The following ZHX2 variants were observed in gnomAD, a reference collection of about 807,000 sequenced individuals.
The protein encoded by ZHX2 is zinc fingers and homeoboxes protein 2.
Under a neutral mutation model 21.9 loss-of-function variants are expected in ZHX2, and 6 were observed. That is an observed-to-expected ratio of 0.27 (90% confidence interval 0.15 to 0.54). The LOEUF is 0.54. ZHX2 is among the 20% of genes least tolerant of loss of function. ZHX2 has a pLI of 0.95. For missense variants in ZHX2, 908 were observed against 1,090.7 expected, an observed-to-expected ratio of 0.83 and a Z score of 2.36; for synonymous variants, 434 against 437.1, an observed-to-expected ratio of 0.99 and a Z score of 0.09.
chr8:122,918,719 T>G (rs10089657), intron 2 of ZHX2, among the ~76,000 whole-genome samples: 54,859 of 151,976 alleles, frequency 0.36, 13,132 homozygotes, highest in African/African-American at 0.69. Flanking sequence ...GGCCGAGGCA[T>G]GTGGATCACA....
At chr8:122,808,027 G>A (rs1817856743) in intron 1 of ZHX2, among the ~76,000 whole-genome samples, 6 of 152,180 alleles carry the variant, frequency 3.9e-5, no homozygotes. Context: ...AATGGCCTTA[G>A]TGCCTGCTTC....
intron 2 of ZHX2, among the ~76,000 whole-genome samples, chr8:122,933,360 C>A (rs555935701): frequency 6.6e-6 from 1 of 152,126 alleles, no homozygotes; most frequent in Admixed American, 6.5e-5. Context: ...TTATCTTAAA[C>A]ATTTGATAGT....
At chr8:122,916,533 G>A (rs923934180) in intron 2 of ZHX2, among the ~76,000 whole-genome samples, 4 of 151,738 alleles carry the variant, frequency 2.6e-5, no homozygotes, top group East Asian at 1.9e-4. Flanking sequence ...TTTGAGGCTC[G>A]AGACTGAGAA....
At chr8:122,858,004 T>C (rs1394733623) in intron 1 of ZHX2, among the ~76,000 whole-genome samples, 1 of 152,214 alleles carries the variant, frequency 6.6e-6, no homozygotes, top group Non-Finnish European at 1.5e-5. Context: ...AGGCTACTGT[T>C]AGGGACCAAG....
intron 1 of ZHX2, among the ~76,000 whole-genome samples, chr8:122,789,133 G>A (rs1015565133): frequency 6.6e-6 from 1 of 152,214 alleles, no homozygotes. Flanking sequence ...TGGGGGAAGG[G>A]GGTGGAGGAA....
At chr8:122,958,801 T>C (rs540420543) in intron 3 of ZHX2, among the ~76,000 whole-genome samples, 62 of 152,342 alleles carry the variant, frequency 4.1e-4, no homozygotes, top group African/African-American at 1.4e-3. Flanking sequence ...TGGAAACTAA[T>C]CCACAATGTA....
At chr8:122,830,360 C>A (rs1439744930) in intron 1 of ZHX2, among the ~76,000 whole-genome samples, 1 of 152,130 alleles carries the variant, frequency 6.6e-6, no homozygotes, top group Non-Finnish European at 1.5e-5. Context: ...GCACAAGTAG[C>A]CTTGCACCTT....
At chr8:122,868,038 G>A (rs1016381269) in intron 2 of ZHX2, among the ~76,000 whole-genome samples, 2 of 152,058 alleles carry the variant, frequency 1.3e-5, no homozygotes, top group Non-Finnish European at 2.9e-5. Flanking sequence ...TAGCTCCAAG[G>A]GTCCTGACAT....
At chr8:122,885,718 C>T (rs1231371167) in intron 2 of ZHX2, among the ~76,000 whole-genome samples, 1 of 152,154 alleles carries the variant, frequency 6.6e-6, no homozygotes, top group Non-Finnish European at 1.5e-5. Flanking sequence ...CTACACCACA[C>T]ATGACAGACC....
chr8:122,843,663 C>T (rs1019261876), intron 1 of ZHX2, among the ~76,000 whole-genome samples: 3 of 152,136 alleles, frequency 2.0e-5, no homozygotes, highest in Non-Finnish European at 4.4e-5. Flanking sequence ...GTTTCTGCCT[C>T]GGTTCTGGGC....
intron 1 of ZHX2, among the ~76,000 whole-genome samples, chr8:122,806,313 G>A (rs1321032543): frequency 6.6e-6 from 1 of 152,132 alleles, no homozygotes; most frequent in Non-Finnish European, 1.5e-5. Context: ...TCCTTTACAG[G>A]GGCATTTGTG....
rs200646419 is a variant in ZHX2, at chr8:122,953,516, G to A, written c.2006G>A (p.Arg669Gln). Residue 669 changes from arginine (R) to glutamine (Q), a missense_variant, in exon 3 of 4, where the codon CGA (arginine) becomes CAA (glutamine). Physicochemically the swap from Arg to Gln is conservative, Grantham distance 43. This residue lies in a region of ZHX2 where 431 missense variants were observed against 428.6 expected (regional missense o/e 1.01). Coordinates refer to ENST00000314393, the MANE Select transcript of ZHX2 (RefSeq NM_014943.5). This position sits in a 1 kb window ranked among gnomAD's most constrained non-coding sequence, Gnocchi z 4.6. ...TTAGCGGCCAAGACTGGCCTGGTCC[G>A]AACTGAGATTGTGCGTTGGTTCAAG... ...DQLAAKTGLVRTEIVRWFKEN... is the reference protein window; with the variant it reads ...DQLAAKTGLVQTEIVRWFKEN... 187 of 1,614,098 alleles carry A rather than the reference G, an allele frequency of 1.2e-4. No homozygotes were observed. Among genetic ancestry groups the A allele is most frequent in the Non-Finnish European group, 1.5e-4 (173 of 1,180,056 alleles).
At chr8:122,806,050 GCA>G (rs1369360458) in intron 1 of ZHX2, among the ~76,000 whole-genome samples, 1 of 152,122 alleles carries the variant, frequency 6.6e-6, no homozygotes, top group Non-Finnish European at 1.5e-5. Context: ...CTTGGCCTTT[GCA>G]CAGTTTCCTG....
intron 1 of ZHX2, among the ~76,000 whole-genome samples, chr8:122,856,688 TGG>T (rs1410993154): frequency 2.0e-4 from 30 of 152,268 alleles, no homozygotes; most frequent in Admixed American, 1.6e-3. Flanking sequence ...GCCAGGTACC[TGG>T]GAGAATGTTT....
At chr8:122,787,364 A>G (rs1408643599) in intron 1 of ZHX2, among the ~76,000 whole-genome samples, 2 of 152,226 alleles carry the variant, frequency 1.3e-5, no homozygotes, top group South Asian at 4.1e-4. Flanking sequence ...GTTTCACTGC[A>G]ATGGTATTTA....
At chr8:122,894,893 T>C (rs530071670) in intron 2 of ZHX2, among the ~76,000 whole-genome samples, 1 of 152,228 alleles carries the variant, frequency 6.6e-6, no homozygotes, top group Non-Finnish European at 1.5e-5. Context: ...GTCTTGGACA[T>C]CTCTGTCCCC....
chr8:122,953,725 G>C lies in ZHX2; in HGVS notation c.2215G>C (p.Glu739Gln), dbSNP rs376664586. 6.2e-7 allele frequency: 1 copy of C among 1,614,252 alleles called. No individual in the cohort carries two copies. The highest frequency in any genetic ancestry group is 8.5e-7 in the Non-Finnish European group (1 of 1,180,056). Residue 739 changes from glutamate (E) to glutamine (Q), a missense_variant, in exon 3 of 4, where the codon GAA (glutamate) becomes CAA (glutamine). Glu to Gln is a conservative substitution (Grantham distance 29, BLOSUM62 2). Around this residue, in one of 4 missense-constraint regions of ZHX2, gnomAD observed 431 missense variants for 428.6 expected, o/e 1.01. Coordinates refer to ENST00000314393, the MANE Select transcript of ZHX2 (RefSeq NM_014943.5). The surrounding 1 kb of genome is among the most constrained non-coding windows in gnomAD (Gnocchi z 4.6). Reference sequence around the variant, plus strand: ...TTACAAGGACCCCAAAAAGCTCTGCGAAGAGGACTTGGAGAAGTTGGTGAC... The same window carrying C: ...TTACAAGGACCCCAAAAAGCTCTGCCAAGAGGACTTGGAGAAGTTGGTGAC... ...QYYKDPKKLCEEDLEKLVTRV... is the reference protein window; with the variant it reads ...QYYKDPKKLCQEDLEKLVTRV...
intron 1 of ZHX2, among the ~76,000 whole-genome samples, chr8:122,783,077 G>A (rs557896320): frequency 2.9e-4 from 44 of 152,304 alleles, no homozygotes; most frequent in Non-Finnish European, 5.7e-4. Context: ...GGCGGCGGCG[G>A]AGGAGGGTTT....
At chr8:122,818,729 G>A (rs745929836) in intron 1 of ZHX2, among the ~76,000 whole-genome samples, 4 of 152,204 alleles carry the variant, frequency 2.6e-5, no homozygotes, top group Admixed American at 6.5e-5. Context: ...TTTTAATGCC[G>A]AGGACGTTTG....
Sources: gnomAD v4.1 joint callset for allele counts (sites outside exome capture counted in the v4.1 genomes callset) on GRCh38, gnomAD v4.1.1 for gene constraint, gnomAD v4.1.1 regional missense constraint, Gnocchi (gnomAD v3.1) non-coding constraint, MANE v1.5 for transcripts, NCBI Gene and HGNC (gene_info 2026-07-23, HGNC 2026-07-21) for gene names.